TRIM36: variants seen among roughly 807,000 people sequenced by gnomAD.
TRIM36 encodes E3 ubiquitin-protein ligase TRIM36.
A neutral mutation model predicts 72.4 loss-of-function variants in TRIM36; 42 were observed. That is an observed-to-expected ratio of 0.58 (90% CI 0.45 to 0.75). The LOEUF is 0.75. Among genes scored for constraint, TRIM36 ranks in the 30% least tolerant of loss-of-function variants. TRIM36 has a pLI of 0.00. For missense variants in TRIM36, 913 were observed against 857.1 expected (o/e 1.07, Z -0.81); for synonymous variants, 315 against 282.8 (o/e 1.11, Z -1.14).
chr5:115,174,578 G>A (rs999326190), upstream of TRIM36, among the ~76,000 whole-genome samples: 4 of 152,114 alleles, frequency 2.6e-5, no homozygotes, highest in African/African-American at 7.2e-5. Context: ...CAAAGTCAGG[G>A]GAGAGGAGTC....
intron 2 of TRIM36, among the ~76,000 whole-genome samples, chr5:115,154,788 C>A (rs1028985232): frequency 6.6e-6 from 1 of 152,164 alleles, no homozygotes; most frequent in Non-Finnish European, 1.5e-5. Context: ...CATATTGACA[C>A]TATTCCATGA....
intron 5 of TRIM36, among the ~76,000 whole-genome samples, chr5:115,141,050 C>G (rs927681572): frequency 6.6e-6 from 1 of 152,022 alleles, no homozygotes; most frequent in African/African-American, 2.4e-5. Flanking sequence ...CATTTTTTCC[C>G]TCTGTGTTCC....
chr5:115,133,875 T>C lies in TRIM36; in HGVS notation c.1483A>G (p.Thr495Ala). The C allele has an allele frequency of 6.3e-7, 1 of 1,598,268 alleles. No individual in the cohort carries two copies. Among genetic ancestry groups the C allele is most frequent in the South Asian group, 1.1e-5 (1 of 87,676 alleles). ...SPCSRELILH[T>A]PPAPVFSFLF... ...TTCACCATACCTGGAGCTGGAGGAG[T>C]ATGAAGAATCAATTCTCTGCTGCAA... is the stretch of plus-strand genomic sequence containing the variant. Residue 495 changes from threonine (T) to alanine (A), a missense_variant, in exon 8 of 10, where the codon ACT (threonine) becomes GCT (alanine). By Grantham distance (58) the Thr-to-Ala change is moderately conservative. Coordinates refer to ENST00000513154, the MANE Select transcript of TRIM36 (RefSeq NM_001300759.2).
Position 115,165,626 on chromosome 5 carries a change from G to A in TRIM36, c.28-1874C>T, listed in dbSNP as rs76091426. Among the ~76,000 whole-genome samples the A allele has an allele frequency of 9.0e-3, 1,366 of 152,314 alleles. 19 individuals are homozygous for A. The highest frequency in any genetic ancestry group is 0.027 in the African/African-American group (1,122 of 41,562). Reference sequence around the variant, plus strand: ...AGCAGCTGCTGCAAAGATGCTGGCTGCAGTTGGGAAGGCACAGCCGGACCT... The same window carrying A: ...AGCAGCTGCTGCAAAGATGCTGGCTACAGTTGGGAAGGCACAGCCGGACCT... On this transcript the variant is annotated intron_variant, in intron 1 of 9. Transcript: ENST00000513154.
chr5:115,146,785 C>T (rs191287756), intron 3 of TRIM36, among the ~76,000 whole-genome samples: 34 of 152,220 alleles, frequency 2.2e-4, no homozygotes, highest in Admixed American at 3.9e-4. Flanking sequence ...TCTGAGATAA[C>T]CTTTCTTTAA....
chr5:115,160,003 C>A (rs138618270), intron 2 of TRIM36, among the ~76,000 whole-genome samples: 211 of 150,630 alleles, frequency 1.4e-3, no homozygotes, highest in Middle Eastern at 0.01. Flanking sequence ...TTTTTACTGA[C>A]CTAATAACTG....
At chr5:115,176,219 A>G (rs1182061880) in intron 1 of TRIM36, among the ~76,000 whole-genome samples, 1 of 152,248 alleles carries the variant, frequency 6.6e-6, no homozygotes, top group African/African-American at 2.4e-5. Flanking sequence ...GTGAGCAACT[A>G]TCTATTCGTC....
intron 2 of TRIM36, among the ~76,000 whole-genome samples, chr5:115,156,340 G>A (rs555488673): frequency 2.0e-5 from 3 of 151,156 alleles, no homozygotes; most frequent in African/African-American, 7.3e-5. Context: ...AACCAAAAAA[G>A]AGCCCGCATA....
chr5:115,139,476 T>C (rs1265863494), intron 5 of TRIM36, among the ~76,000 whole-genome samples: 1 of 152,242 alleles, frequency 6.6e-6, no homozygotes, highest in South Asian at 2.1e-4. Flanking sequence ...GCATTATCCA[T>C]TGGCTTTCAG....
intron 4 of TRIM36, among the ~76,000 whole-genome samples, chr5:115,143,351 C>A (rs543613469): frequency 1.1e-4 from 17 of 151,810 alleles, no homozygotes; most frequent in African/African-American, 4.1e-4. Context: ...TTCTGTCCTG[C>A]CTCACAAAAG....
chr5:115,151,007 T>G (rs1163808956), intron 2 of TRIM36, among the ~76,000 whole-genome samples: 1 of 152,046 alleles, frequency 6.6e-6, no homozygotes, highest in Non-Finnish European at 1.5e-5. Context: ...TTTGTAACAA[T>G]TTGAACTGAT....
chr5:115,155,991 G>C (rs1248179161), intron 2 of TRIM36, among the ~76,000 whole-genome samples: 1 of 152,102 alleles, frequency 6.6e-6, no homozygotes, highest in African/African-American at 2.4e-5. Flanking sequence ...CAAATCAGTA[G>C]CTCTTCTGTA....
chr5:115,151,723 C>T (rs1433439335), intron 2 of TRIM36, among the ~76,000 whole-genome samples: 3 of 152,216 alleles, frequency 2.0e-5, no homozygotes, highest in Non-Finnish European at 4.4e-5. Flanking sequence ...GGGCAGACAA[C>T]ACCCAATACC....
intron 1 of TRIM36, among the ~76,000 whole-genome samples, chr5:115,164,122 C>T (rs2126933618): frequency 6.6e-6 from 1 of 152,230 alleles, no homozygotes; most frequent in African/African-American, 2.4e-5. Context: ...ATTTTGAATA[C>T]AGCACTAAGA....
chr5:115,128,320 G>A (rs75444476), intron 9 of TRIM36, among the ~76,000 whole-genome samples: 10,054 of 148,334 alleles, frequency 0.068, 779 homozygotes, highest in East Asian at 0.35. Context: ...GGTGAGCCGA[G>A]TTCATGCCAT....
Position 115,141,353 on chromosome 5 carries a change from C to A in TRIM36, c.757G>T (p.Asp253Tyr). ...TGGCTTTCCTTACCAATAAGGTAATCAATATCCTTTGAAAGCTTTTCCTGT... is the reference window on the plus strand; with the variant it reads ...TGGCTTTCCTTACCAATAAGGTAATAAATATCCTTTGAAAGCTTTTCCTGT... ...TLKEKLSKDI[D>Y]YLIGKESQVK... is the part of the protein sequence containing the mutation. The change falls in exon 5 of 10, where the codon GAT becomes TAT. Residue 253 changes from aspartate (D) to tyrosine (Y), a missense_variant. Asp to Tyr is a radical substitution (Grantham distance 160, BLOSUM62 -3). Transcript: ENST00000513154. 6.3e-7 allele frequency: 1 copy of A among 1,596,642 alleles called. No homozygotes were observed. Among genetic ancestry groups the A allele is most frequent in the South Asian group, 1.1e-5 (1 of 87,108 alleles).
chr5:115,155,852 G>A (rs540965640), intron 2 of TRIM36, among the ~76,000 whole-genome samples: 1 of 152,218 alleles, frequency 6.6e-6, no homozygotes, highest in East Asian at 1.9e-4. Flanking sequence ...TCGGTAAAAA[G>A]GAAGTCAAAC....
intron 5 of TRIM36, among the ~76,000 whole-genome samples, chr5:115,139,831 T>A (rs1040541810): frequency 6.6e-5 from 10 of 152,176 alleles, no homozygotes; most frequent in African/African-American, 2.2e-4. Context: ...GGAATCAGTG[T>A]CTACATGAAT....
intron 9 of TRIM36, 31 bp downstream of exon 9, chr5:115,130,561 T>A: frequency 6.4e-7 from 1 of 1,562,904 alleles, no homozygotes; most frequent in Non-Finnish European, 8.7e-7. Flanking sequence ...TTTAAAAAAT[T>A]ATCAAGTTCT....
Sources: gnomAD v4.1 joint callset for allele counts (sites outside exome capture counted in the v4.1 genomes callset) on GRCh38, gnomAD v4.1.1 for gene constraint, MANE v1.5 for transcripts, NCBI Gene and HGNC (gene_info 2026-07-23, HGNC 2026-07-21) for gene names.